Variants in COL7A1 observed in about 807,000 individuals in gnomAD.
The protein encoded by COL7A1 is collagen alpha-1(VII) chain.
A neutral mutation model predicts 456.2 loss-of-function variants in COL7A1; 296 were observed. The observed-to-expected ratio is 0.65, with a 90% CI of 0.59 to 0.71. COL7A1 has a LOEUF of 0.71. Among genes scored for constraint, COL7A1 ranks in the 30% least tolerant of loss-of-function variants. The pLI is 0.00. For missense variants in COL7A1, 3,441 were observed against 4,017.2 expected, an observed-to-expected ratio of 0.86 and a Z score of 3.88; for synonymous variants, 1,464 against 1,525.9, an observed-to-expected ratio of 0.96 and a Z score of 0.95.
At position 48,590,228 on chromosome 3, in the gene COL7A1, T is replaced by C. The variant is rs751176402; in HGVS notation, c.2035A>G (p.Ile679Val). ...AGGGCCTGACCCGTTCGAGCCACGATGACTGCAGCAGGGCCCTCCTCTCTG... is the reference window on the plus strand; with the variant it reads ...AGGGCCTGACCCGTTCGAGCCACGACGACTGCAGCAGGGCCCTCCTCTCTG... The part of the protein sequence containing the change: ...RGREEGPAAV[I>V]VARTDPLGPV... The change falls in exon 16 of 119, where the codon ATC becomes GTC. Residue 679 changes from isoleucine (I) to valine (V), a missense_variant. Coordinates refer to ENST00000681320, the MANE Select transcript of COL7A1 (RefSeq NM_000094.4). This position sits in a 1 kb window ranked among gnomAD's most constrained non-coding sequence, Gnocchi z 4.6. 35 of 1,613,504 alleles carry C rather than the reference T, an allele frequency of 2.2e-5. No homozygotes were observed. The highest frequency in any genetic ancestry group is 2.7e-5 in the Non-Finnish European group (32 of 1,179,878).
In COL7A1 at chr3:48,568,478, G is replaced by A. The variant is rs1246940402; in HGVS notation, c.7794+21C>T. 5.0e-6 allele frequency: 8 copies of A among 1,594,916 alleles called. No homozygotes were observed. Among genetic ancestry groups the A allele is most frequent in the Non-Finnish European group, 6.0e-6 (7 of 1,167,306 alleles). ...GGCCCTCTGGGGACAGGGGGCCCCT[G>A]TGGGAGCAGGGGCATCTTACCGGGT... On this transcript the variant is annotated intron_variant, in intron 105 of 118. Transcript: ENST00000681320. This position sits in a 1 kb window ranked among gnomAD's most constrained non-coding sequence, Gnocchi z 5.2.
rs751795715 is a variant in COL7A1 at position 48,571,581 on chromosome 3, G to A, written c.7069-303C>T. 1.5e-6 allele frequency: 1 copy of A among 670,908 alleles called. No homozygotes were observed. Among genetic ancestry groups the A allele is most frequent in the Non-Finnish European group, 2.8e-6 (1 of 355,712 alleles). 41.6% of individuals were successfully genotyped at this position (670,908 alleles called of 1,614,324 possible). ...CACAGACGTGAGTGCGGACACACGG[G>A]CGCTCAGAGGGGAACCCCAACACGT... On this transcript the variant is annotated intron_variant, in intron 92 of 118. Coordinates refer to ENST00000681320, the MANE Select transcript of COL7A1 (RefSeq NM_000094.4). The surrounding 1 kb of genome is among the most constrained non-coding windows in gnomAD (Gnocchi z 4.6).
At position 48,569,371 on chromosome 3, in the gene COL7A1, G is replaced by A; in HGVS notation, c.7686+4C>T. ...CAGAGAGTACACCACCCTCTTCCCT[G>A]TACCTTGTCACCAGGGTCCCCATTG... On this transcript the variant is annotated splice_donor_region_variant and intron_variant, in intron 103 of 118. Coordinates refer to ENST00000681320, the MANE Select transcript of COL7A1 (RefSeq NM_000094.4). This position sits in a 1 kb window ranked among gnomAD's most constrained non-coding sequence, Gnocchi z 4.9. 1.2e-6 allele frequency: 2 copies of A among 1,613,868 alleles called. No homozygotes were observed. The highest frequency in any genetic ancestry group is 8.5e-7 in the Non-Finnish European group (1 of 1,179,920).
Position 48,593,061 on chromosome 3 carries a change from CGGGGTCTAGGTCA to C in COL7A1, c.682+28_682+40del, listed in dbSNP as rs763418006. On this transcript the variant is annotated intron_variant, in intron 6 of 118. Transcript: ENST00000681320. The surrounding 1 kb of genome is among the most constrained non-coding windows in gnomAD (Gnocchi z 4.4). ...GCACTGCCAAGTGGGGATTGGGGTC[CGGGGTCTAGGTCA>C]GGGTACACCGTGTGGGCAGGAACTC... 5.6e-6 allele frequency: 9 copies of C among 1,613,748 alleles called. No homozygotes were observed. The South Asian group carries it at 9.9e-5, about 18-fold the overall frequency.
In COL7A1 at chr3:48,575,390, C is replaced by T; in HGVS notation, c.6129G>A (p.Gly2043=). Residue 2043 remains glycine, a synonymous_variant, in exon 74 of 119, where the codon GGG becomes GGA. Transcript: ENST00000681320. The surrounding 1 kb of genome is among the most constrained non-coding windows in gnomAD (Gnocchi z 6.3). ...AGEPGKPGIP[G]LPGRAGGVGE... is the part of the protein sequence containing the mutation. ...CCACACCCCCAGCCCTGCCTGGGAG[C>T]CCGGGAATACCAGGCTTTCCAGGCT... The T allele has an allele frequency of 6.2e-7, 1 of 1,610,724 alleles. No individual in the cohort carries two copies. Among genetic ancestry groups the T allele is most frequent in the Non-Finnish European group, 8.5e-7 (1 of 1,178,868 alleles).
In COL7A1 at chr3:48,564,547, G is replaced by A; in HGVS notation, c.8819-125C>T. 1.6e-6 allele frequency: 2 copies of A among 1,224,574 alleles called. No individual in the cohort carries two copies. Among genetic ancestry groups the A allele is most frequent in the South Asian group, 1.3e-5 (1 of 78,596 alleles). The allele number at this position is 1,224,574 out of a possible 1,614,324, so 75.9% of individuals were successfully genotyped here. Reference sequence around the variant, plus strand: ...GGAAGTGGGGGCTCTGACCTCAGAGGGGTCCATACTTAGGTCTTTAAAGGA... The same window carrying A: ...GGAAGTGGGGGCTCTGACCTCAGAGAGGTCCATACTTAGGTCTTTAAAGGA... On this transcript the variant is annotated intron_variant, in intron 118 of 118. Coordinates refer to ENST00000681320, the MANE Select transcript of COL7A1 (RefSeq NM_000094.4). The surrounding 1 kb of genome is among the most constrained non-coding windows in gnomAD (Gnocchi z 6.0).
At position 48,570,237 on chromosome 3, in the gene COL7A1, G is replaced by C. The variant is rs1443388798; in HGVS notation, c.7440+38C>G. On this transcript the variant is annotated intron_variant, in intron 98 of 118. Transcript: ENST00000681320. The surrounding 1 kb of genome is among the most constrained non-coding windows in gnomAD (Gnocchi z 5.5). ...GTTGGAAATCAGAGGCAAGAGCTGG[G>C]ATGAAGGGAGTTCGGCTGTGGAGTA... 1.9e-6 allele frequency: 3 copies of C among 1,613,902 alleles called. No individual in the cohort carries two copies. Among genetic ancestry groups the C allele is most frequent in the Non-Finnish European group, 2.5e-6 (3 of 1,179,954 alleles).
At position 48,591,715 on chromosome 3, in the gene COL7A1, C is replaced by T; in HGVS notation, c.1465G>A (p.Glu489Lys). 1 of 1,614,172 alleles carries T rather than the reference C, an allele frequency of 6.2e-7. No homozygotes were observed. Among genetic ancestry groups the T allele is most frequent in the East Asian group, 2.2e-5 (1 of 44,888 alleles). The change falls in exon 12 of 119, where the codon GAG becomes AAG. Residue 489 changes from glutamate (E) to lysine (K), a missense_variant. Glu to Lys is a moderately conservative substitution (Grantham distance 56). Transcript: ENST00000681320. The surrounding 1 kb of genome is among the most constrained non-coding windows in gnomAD (Gnocchi z 7.0). ...GCAGGGGTGGCCACCTCGTGGCCCT[C>T]CAGCAGAGTGTAGAGTGTGAGGCGG... ...EYRLTLYTLLEGHEVATPATV... is the reference protein window; with the variant it reads ...EYRLTLYTLLKGHEVATPATV...
Position 48,581,588 on chromosome 3 carries a change from T to TC in COL7A1, c.4766dup (p.Asp1590ArgfsTer19), listed in dbSNP as rs1369428850. 1.2e-6 allele frequency: 2 copies of TC among 1,613,914 alleles called. No homozygotes were observed. The highest frequency in any genetic ancestry group is 1.7e-6 in the Non-Finnish European group (2 of 1,179,994). ...ATTGATTCACCCGGTCTCCAGGGTCTCCCTTGGGGCCAGGGTCTCCAGGAA... is the reference window on the plus strand; with the variant it reads ...ATTGATTCACCCGGTCTCCAGGGTCTCCCCTTGGGGCCAGGGTCTCCAGGAA... On this transcript the variant is annotated frameshift_variant, in exon 50 of 119. Coordinates refer to ENST00000681320, the MANE Select transcript of COL7A1 (RefSeq NM_000094.4). LOFTEE classifies it high-confidence loss of function. This position sits in a 1 kb window ranked among gnomAD's most constrained non-coding sequence, Gnocchi z 5.8.
At chr3:48,589,805 A>C in intron 16 of COL7A1, 87 bp from the exon 17 acceptor site, 1 of 1,589,730 alleles carries the variant, frequency 6.3e-7, no homozygotes, top group African/African-American at 1.3e-5. Flanking sequence ...GGAGTCTAAC[A>C]GGAGACGGGA....
rs1231140546 is a variant in COL7A1, at chr3:48,584,439, G to T, written c.4119+46C>A. On this transcript the variant is annotated intron_variant, in intron 36 of 118. Coordinates refer to ENST00000681320, the MANE Select transcript of COL7A1 (RefSeq NM_000094.4). The stretch of plus-strand genomic sequence containing the variant: ...ACCTCACTCTCGCCCCCCTCGTGTT[G>T]GTCCCCCCACTACACATCACTTGCC... 4.3e-6 allele frequency: 7 copies of T among 1,612,956 alleles called. No individual in the cohort carries two copies. The East Asian group carries it at 1.6e-4, about 36-fold the overall frequency.
Position 48,568,376 on chromosome 3 carries a change from C to A in COL7A1, c.7794+123G>T. ...TGTGGAGGTGGGGGACCCTGGGTGA[C>A]ATGAGGACACCATGAGAGCACTGGG... On this transcript the variant is annotated intron_variant, in intron 105 of 118. Coordinates refer to ENST00000681320, the MANE Select transcript of COL7A1 (RefSeq NM_000094.4). The surrounding 1 kb of genome is among the most constrained non-coding windows in gnomAD (Gnocchi z 5.2). 1 of 1,129,450 alleles carries A rather than the reference C, an allele frequency of 8.9e-7. No homozygotes were observed. Among genetic ancestry groups the A allele is most frequent in the South Asian group, 1.4e-5 (1 of 71,954 alleles). 70.0% of individuals were successfully genotyped at this position (1,129,450 alleles called of 1,614,324 possible).
rs1427761536 is a variant in COL7A1, at chr3:48,580,554, G to C, written c.5052+27C>G. The C allele has an allele frequency of 1.9e-6, 3 of 1,610,060 alleles. No individual in the cohort carries two copies. The highest frequency in any genetic ancestry group is 1.7e-5 in the Admixed American group (1 of 59,884). ...TGGCTGGTTGGAGGGTTAAGGTTGG[G>C]GTGAGGAGTCATAGGCTGGGACTCA... On this transcript the variant is annotated intron_variant, in intron 55 of 118. Transcript: ENST00000681320. The surrounding 1 kb of genome is among the most constrained non-coding windows in gnomAD (Gnocchi z 4.5).
chr3:48,584,854 C>T, intron 34 of COL7A1, 56 bp downstream of exon 34: 1 of 1,613,920 alleles, frequency 6.2e-7, no homozygotes, highest in Non-Finnish European at 8.5e-7. Flanking sequence ...AGGCTCCCAC[C>T]CTGTGGAAGA....
Position 48,586,832 on chromosome 3 carries a change from G to A in COL7A1, c.3276+140C>T. The A allele has an allele frequency of 6.6e-7, 1 of 1,504,322 alleles. No homozygotes were observed. The highest frequency in any genetic ancestry group is 2.5e-5 in the East Asian group (1 of 40,544). The allele number at this position is 1,504,322 out of a possible 1,614,324, so 93.2% of individuals were successfully genotyped here. On this transcript the variant is annotated intron_variant, in intron 25 of 118. Transcript: ENST00000681320. The surrounding 1 kb of genome is among the most constrained non-coding windows in gnomAD (Gnocchi z 5.1). The stretch of plus-strand genomic sequence containing the variant: ...GCAGTGATGGCAGGATAGGGAGCCA[G>A]GCAGTAGGTGAGGTCTGGAGCCTGT...
chr3:48,569,559 G>C lies in COL7A1; in HGVS notation c.7614+33C>G, dbSNP rs747300176. On this transcript the variant is annotated intron_variant, in intron 102 of 118. Coordinates refer to ENST00000681320, the MANE Select transcript of COL7A1 (RefSeq NM_000094.4). The surrounding 1 kb of genome is among the most constrained non-coding windows in gnomAD (Gnocchi z 4.9). Reference sequence around the variant, plus strand: ...CCCCACGGGGTCCCTCTCGCACCCAGGGGAGACCCAGTCCACACGTGGGCC... The same window carrying C: ...CCCCACGGGGTCCCTCTCGCACCCACGGGAGACCCAGTCCACACGTGGGCC... 5.0e-6 allele frequency: 8 copies of C among 1,613,402 alleles called. No homozygotes were observed. The highest frequency in any genetic ancestry group is 6.8e-6 in the Non-Finnish European group (8 of 1,179,704).
chr3:48,579,774 G>C lies in COL7A1; in HGVS notation c.5154+11C>G. The C allele has an allele frequency of 6.2e-7, 1 of 1,614,074 alleles. No homozygotes were observed. The highest frequency in any genetic ancestry group is 1.3e-5 in the African/African-American group (1 of 75,048). ...GGGTCTTTCTTACCCTCCACCCACA[G>C]ACCCTAATACCTTCTCTCTGGCTCC... On this transcript the variant is annotated intron_variant, in intron 58 of 118. Coordinates refer to ENST00000681320, the MANE Select transcript of COL7A1 (RefSeq NM_000094.4). The surrounding 1 kb of genome is among the most constrained non-coding windows in gnomAD (Gnocchi z 4.4).
chr3:48,582,866 C>A, intron 44 of COL7A1, 147 bp downstream of exon 44: 1 of 1,314,182 alleles, frequency 7.6e-7, no homozygotes, highest in Non-Finnish European at 1.1e-6. Flanking sequence ...GTCCCTGGGG[C>A]TGAGGGTTAG....
chr3:48,576,449 T>C lies in COL7A1; in HGVS notation c.5737-14A>G. 1 of 1,613,480 alleles carries C rather than the reference T, an allele frequency of 6.2e-7. No homozygotes were observed. On this transcript the variant is annotated splice_polypyrimidine_tract_variant and intron_variant, in intron 69 of 118. Transcript: ENST00000681320. ...CCCACGGTCACCCTGAAAACAAGAA[T>C]GACCAGGTGGGGAAATGGCCCCCAG...
Sources: allele counts gnomAD v4.1 joint callset, GRCh38; gene constraint gnomAD v4.1.1; non-coding constraint Gnocchi (gnomAD v3.1); transcripts MANE v1.5; gene names NCBI Gene and HGNC (gene_info 2026-07-23, HGNC 2026-07-21).